CAMKMT: variants seen among roughly 807,000 people sequenced by gnomAD.
CAMKMT encodes CaM KMT.
In CAMKMT, 53 loss-of-function variants were observed where a neutral mutation model predicts 48.0. That is an observed-to-expected ratio of 1.10 (90% CI 0.89 to 1.39). The LOEUF (loss-of-function observed/expected upper bound fraction) is 1.39. Among genes scored for constraint, CAMKMT ranks in the 40% most tolerant of loss-of-function variants. CAMKMT has a pLI of 0.00. For missense variants in CAMKMT, 428 were observed against 402.7 expected, an observed-to-expected ratio of 1.06 and a Z score of -0.54; for synonymous variants, 165 against 152.3, an observed-to-expected ratio of 1.08 and a Z score of -0.61.
chr2:44,399,514 T>A (rs553016298), intron 3 of CAMKMT, among the ~76,000 whole-genome samples: 1 of 152,186 alleles, frequency 6.6e-6, no homozygotes, highest in Admixed American at 6.5e-5. Flanking sequence ...CCCTCTTTGA[T>A]CTTTCTCTTA....
At chr2:44,753,079 G>C (rs1680216593) in intron 8 of CAMKMT, among the ~76,000 whole-genome samples, 1 of 152,048 alleles carries the variant, frequency 6.6e-6, no homozygotes. Context: ...ATTCTCTAAA[G>C]ATCAGGGATG....
chr2:44,599,603 AT>A (rs1670866382), intron 3 of CAMKMT, among the ~76,000 whole-genome samples: 1 of 152,062 alleles, frequency 6.6e-6, no homozygotes, highest in South Asian at 2.1e-4. Context: ...ATCTATGTAA[AT>A]TTTTCTTAAA....
intron 3 of CAMKMT, among the ~76,000 whole-genome samples, chr2:44,432,087 G>A (rs888215155): frequency 2.6e-5 from 4 of 152,174 alleles, no homozygotes; most frequent in Non-Finnish European, 5.9e-5. Context: ...GGCTGGTTTA[G>A]TCGCATCTTA....
At chr2:44,744,986 A>T (rs1048871984) in intron 8 of CAMKMT, among the ~76,000 whole-genome samples, 2 of 152,198 alleles carry the variant, frequency 1.3e-5, no homozygotes, top group Non-Finnish European at 2.9e-5. Flanking sequence ...CTAATCAAAA[A>T]TAAGGAGCTA....
At chr2:44,645,531 A>C (rs1212915225) in intron 3 of CAMKMT, among the ~76,000 whole-genome samples, 1 of 152,166 alleles carries the variant, frequency 6.6e-6, no homozygotes, top group East Asian at 1.9e-4. Flanking sequence ...ATTAGCAAAA[A>C]GAATCTAGAC....
intron 3 of CAMKMT, among the ~76,000 whole-genome samples, chr2:44,502,580 A>T (rs1670059116): frequency 6.6e-6 from 1 of 152,168 alleles, no homozygotes; most frequent in Admixed American, 6.6e-5. Flanking sequence ...CTTAATTAGA[A>T]TTTTAACTTA....
chr2:44,423,482 C>T (rs943098645), intron 3 of CAMKMT, among the ~76,000 whole-genome samples: 4 of 152,208 alleles, frequency 2.6e-5, no homozygotes, highest in Non-Finnish European at 4.4e-5. Flanking sequence ...TCGCGCTGGG[C>T]CAAAACCCTT....
chr2:44,594,178 A>G (rs1018164833), intron 3 of CAMKMT, among the ~76,000 whole-genome samples: 11 of 152,220 alleles, frequency 7.2e-5, no homozygotes, highest in Non-Finnish European at 1.5e-4. Flanking sequence ...AAACAAATGG[A>G]AAAACATTCC....
intron 3 of CAMKMT, among the ~76,000 whole-genome samples, chr2:44,628,129 G>A (rs1200562307): frequency 6.6e-6 from 1 of 151,994 alleles, no homozygotes; most frequent in Admixed American, 6.6e-5. Context: ...AAATTTTTTT[G>A]TAGAGATGGC....
intron 3 of CAMKMT, among the ~76,000 whole-genome samples, chr2:44,555,268 A>T (rs145190542): frequency 9.2e-5 from 14 of 152,360 alleles, no homozygotes; most frequent in African/African-American, 3.4e-4. Context: ...AAACTGATTG[A>T]GACCTTAAAC....
intron 3 of CAMKMT, among the ~76,000 whole-genome samples, chr2:44,429,273 GTGTA>G (rs1422541453): frequency 4.1e-4 from 37 of 90,946 alleles, no homozygotes; most frequent in South Asian, 2.4e-3. Flanking sequence ...GTGTGTGTGT[GTGTA>G]TGTGTGTGTG....
intron 3 of CAMKMT, among the ~76,000 whole-genome samples, chr2:44,659,075 G>GTT (rs1192483405): frequency 0.019 from 1,667 of 86,216 alleles, 66 homozygotes; most frequent in African/African-American, 0.067. Flanking sequence ...TGTGTGTGTA[G>GTT]TTTTTTTTTT....
intron 3 of CAMKMT, among the ~76,000 whole-genome samples, chr2:44,700,244 G>A (rs1677187610): frequency 6.6e-6 from 1 of 152,180 alleles, no homozygotes; most frequent in African/African-American, 2.4e-5. Flanking sequence ...GTTGTGGCTG[G>A]TTTGATCTAT....
intron 3 of CAMKMT, among the ~76,000 whole-genome samples, chr2:44,515,228 C>T (rs1670776858): frequency 6.6e-6 from 1 of 152,162 alleles, no homozygotes; most frequent in Non-Finnish European, 1.5e-5. Context: ...TGATATACTG[C>T]CAGATCAGTA....
chr2:44,438,592 A>G (rs1431903110), intron 3 of CAMKMT, among the ~76,000 whole-genome samples: 2 of 151,174 alleles, frequency 1.3e-5, no homozygotes, highest in Non-Finnish European at 2.9e-5. Flanking sequence ...AATGCAGTAT[A>G]GAGTTCCTTA....
At chr2:44,508,552 C>T (rs1044818814) in intron 3 of CAMKMT, among the ~76,000 whole-genome samples, 4 of 145,578 alleles carry the variant, frequency 2.7e-5, no homozygotes, top group Non-Finnish European at 6.0e-5. Context: ...TGTAGACATC[C>T]ACCTAGAGGT....
At chr2:44,640,873 T>C (rs1479818014) in intron 3 of CAMKMT, among the ~76,000 whole-genome samples, 3 of 152,240 alleles carry the variant, frequency 2.0e-5, no homozygotes, top group African/African-American at 7.2e-5. Context: ...CAAAGCCTTT[T>C]CGAACATCTA....
At chr2:44,502,434 C>T (rs781308275) in intron 3 of CAMKMT, among the ~76,000 whole-genome samples, 1 of 152,132 alleles carries the variant, frequency 6.6e-6, no homozygotes, top group Non-Finnish European at 1.5e-5. Flanking sequence ...CCCTTGTACC[C>T]TTTTAACTTT....
intron 3 of CAMKMT, among the ~76,000 whole-genome samples, chr2:44,526,808 C>G (rs73924604): frequency 0.021 from 3,207 of 152,144 alleles, 113 homozygotes; most frequent in African/African-American, 0.072. Context: ...CTGGGAATCC[C>G]TTAGTTTATG....
Sources: allele counts gnomAD v4.1 joint callset (sites outside exome capture counted in the v4.1 genomes callset), GRCh38; gene constraint gnomAD v4.1.1; transcripts MANE v1.5; gene names NCBI Gene and HGNC (gene_info 2026-07-23, HGNC 2026-07-21).